SOS1: variants seen among roughly 807,000 people sequenced by gnomAD.
SOS1 encodes the protein son of sevenless homolog 1.
In SOS1, 25 loss-of-function variants were observed where a neutral mutation model predicts 157.6. That is an observed-to-expected ratio of 0.16 (90% confidence interval 0.12 to 0.22). The LOEUF (loss-of-function observed/expected upper bound fraction) is 0.22. Ranked by LOEUF, SOS1 falls within the 10% of genes least tolerant of loss-of-function variation. The pLI is 1.00. For missense variants in SOS1, 1,237 were observed against 1,599.1 expected (o/e 0.77, Z 3.86); for synonymous variants, 528 against 534.0 (o/e 0.99, Z 0.16).
chr2:38,986,044 G>C lies in SOS1; in HGVS notation c.3782C>G (p.Pro1261Arg). The C allele has an allele frequency of 6.2e-7, 1 of 1,613,966 alleles. No individual in the cohort carries two copies. The highest frequency in any genetic ancestry group is 8.5e-7 in the Non-Finnish European group (1 of 1,179,918). ...NSPSPFTPPP[P>R]QTPSPHGTRR... Reference sequence around the variant, plus strand: ...TGTGCCGTGAGGAGAAGGTGTTTGAGGAGGAGGTGGTGTAAAGGGGGAAGG... The same window carrying C: ...TGTGCCGTGAGGAGAAGGTGTTTGACGAGGAGGTGGTGTAAAGGGGGAAGG... Residue 1261 changes from proline to arginine, a missense_variant, in exon 23 of 23, where the codon CCT (proline) becomes CGT (arginine). Pro to Arg is a moderately radical substitution (Grantham distance 103). Coordinates refer to ENST00000402219, the MANE Select transcript of SOS1 (RefSeq NM_005633.4).
intron 10 of SOS1, among the ~76,000 whole-genome samples, chr2:39,021,726 G>C (rs1309176000): frequency 6.6e-6 from 1 of 151,466 alleles, no homozygotes; most frequent in Non-Finnish European, 1.5e-5. Flanking sequence ...GTGGCAAGAA[G>C]GGCAATTTGA....
chr2:39,035,551 GAA>G (rs1330352001), intron 6 of SOS1, 51 bp from the exon 7 acceptor site: 9 of 1,341,418 alleles, frequency 6.7e-6, no homozygotes, highest in Non-Finnish European at 9.6e-6. Context: ...TACAAACACA[GAA>G]AGATTTAATT....
intron 1 of SOS1, among the ~76,000 whole-genome samples, chr2:39,075,132 G>A (rs902932648): frequency 1.3e-5 from 2 of 151,720 alleles, no homozygotes; most frequent in Non-Finnish European, 2.9e-5. Flanking sequence ...GTTGAAGGAA[G>A]CAAAACTAGT....
chr2:39,079,394 G>A (rs1672126360), intron 1 of SOS1, among the ~76,000 whole-genome samples: 1 of 150,664 alleles, frequency 6.6e-6, no homozygotes, highest in Non-Finnish European at 1.5e-5. Context: ...AATTTAAGTA[G>A]TTGATTAATC....
intron 8 of SOS1, among the ~76,000 whole-genome samples, chr2:39,033,017 C>T (rs972711896): frequency 7.9e-5 from 12 of 151,412 alleles, no homozygotes; most frequent in African/African-American, 2.7e-4. Context: ...CCGGGATACC[C>T]ATGGAACCCT....
At chr2:39,097,005 T>C in intron 1 of SOS1, among the ~76,000 whole-genome samples, 1 of 152,096 alleles carries the variant, frequency 6.6e-6, no homozygotes, top group South Asian at 2.1e-4. Context: ...CTACACAATC[T>C]TGGATTAAGA....
intron 8 of SOS1, among the ~76,000 whole-genome samples, chr2:39,029,865 G>A (rs999428379): frequency 6.6e-6 from 1 of 151,986 alleles, no homozygotes; most frequent in Non-Finnish European, 1.5e-5. Flanking sequence ...GTACACTAGA[G>A]AGAACCTCCA....
upstream of SOS1, among the ~76,000 whole-genome samples, chr2:39,123,547 G>C (rs1317904631): frequency 6.6e-6 from 1 of 151,882 alleles, no homozygotes; most frequent in East Asian, 1.9e-4. Context: ...TAGTAGAGGT[G>C]GGGTTTCGCT....
intron 10 of SOS1, among the ~76,000 whole-genome samples, chr2:39,020,319 T>C (rs909256444): frequency 6.6e-6 from 1 of 151,740 alleles, no homozygotes; most frequent in East Asian, 1.9e-4. Context: ...CAGTTTCTCT[T>C]CTGTTTTTAT....
At chr2:39,120,039 C>T (rs1673805877) in intron 1 of SOS1, among the ~76,000 whole-genome samples, 1 of 152,224 alleles carries the variant, frequency 6.6e-6, no homozygotes, top group Non-Finnish European at 1.5e-5. Context: ...CCGCTGAAAA[C>T]TGAGGCTCCT....
intron 1 of SOS1, among the ~76,000 whole-genome samples, chr2:39,069,064 G>C (rs970025745): frequency 2.0e-5 from 3 of 151,864 alleles, no homozygotes; most frequent in Non-Finnish European, 4.4e-5. Context: ...CAGTGTACTA[G>C]ACTGAGTGTG....
At chr2:39,014,271 A>C (rs1327602492) in intron 11 of SOS1, among the ~76,000 whole-genome samples, 2 of 152,134 alleles carry the variant, frequency 1.3e-5, no homozygotes, top group Non-Finnish European at 2.9e-5. Flanking sequence ...GTGACTATAA[A>C]GTTACGGGAC....
intron 6 of SOS1, among the ~76,000 whole-genome samples, chr2:39,044,405 A>G (rs1670681197): frequency 6.6e-6 from 1 of 152,142 alleles, no homozygotes; most frequent in Non-Finnish European, 1.5e-5. Context: ...ACTTCCTTAC[A>G]TATTATTCTC....
intron 20 of SOS1, among the ~76,000 whole-genome samples, chr2:38,991,653 C>T (rs905662123): frequency 6.6e-6 from 1 of 152,188 alleles, no homozygotes; most frequent in Admixed American, 6.5e-5. Context: ...CACTTCTCTG[C>T]CCTGTCTTTG....
chr2:39,114,299 T>C (rs1392797749), intron 1 of SOS1, among the ~76,000 whole-genome samples: 7 of 141,250 alleles, frequency 5.0e-5, no homozygotes, highest in Non-Finnish European at 3.2e-5. Flanking sequence ...TGTTCTTTTC[T>C]TTTTTTTTTT....
chr2:39,074,909 C>G lies in SOS1; in HGVS notation c.88-7156G>C, dbSNP rs528621099. ...AAAAAAAAGGCACAGAGACTAAGAACAAAATGATGTGTTGGGGAAACTAAG... is the reference window on the plus strand; with the variant it reads ...AAAAAAAAGGCACAGAGACTAAGAAGAAAATGATGTGTTGGGGAAACTAAG... On this transcript the variant is annotated intron_variant, in intron 1 of 22. Coordinates refer to ENST00000402219, the MANE Select transcript of SOS1 (RefSeq NM_005633.4). Among the ~76,000 whole-genome samples, 32 of 145,898 alleles carry G rather than the reference C, an allele frequency of 2.2e-4. 2 individuals carry two copies. In the East Asian group the frequency reaches 6.0e-3, roughly 27 times the overall value.
At chr2:39,123,099 AAAC>A (rs1186813732), upstream of SOS1, among the ~76,000 whole-genome samples, 2 of 152,174 alleles carry the variant, frequency 1.3e-5, no homozygotes, top group Admixed American at 6.5e-5. Context: ...TATTCCTAGA[AAAC>A]AACAACCTGC....
intron 2 of SOS1, among the ~76,000 whole-genome samples, chr2:39,060,695 G>T (rs1558494263): frequency 6.6e-6 from 1 of 152,170 alleles, no homozygotes. Flanking sequence ...AGAGTGCTGG[G>T]ATTACAGGTG....
intron 20 of SOS1, chr2:38,993,956 T>G (rs1208311726): frequency 6.6e-6 from 1 of 152,194 alleles, no homozygotes; most frequent in Non-Finnish European, 1.5e-5. Flanking sequence ...AGCTTTAAAG[T>G]TTCACATGAA....
Sources: allele counts gnomAD v4.1 joint callset (sites outside exome capture counted in the v4.1 genomes callset), GRCh38; gene constraint gnomAD v4.1.1; transcripts MANE v1.5; gene names NCBI Gene and HGNC (gene_info 2026-07-23, HGNC 2026-07-21).